Variants in HAUS3 observed in about 807,000 individuals in gnomAD.
The protein encoded by HAUS3 is HAUS augmin like complex subunit 3.
HAUS3 carries 36 observed loss-of-function variants against 55.2 expected under a neutral mutation model. That is an observed-to-expected ratio of 0.65 (90% confidence interval 0.50 to 0.86). The LOEUF is 0.86. Among genes scored for constraint, HAUS3 ranks in the 40% least tolerant of loss-of-function variants. The pLI is 0.00. For synonymous variants in HAUS3, 234 were observed against 238.6 expected (o/e 0.98, Z 0.18); for missense variants, 752 against 671.5 (o/e 1.12, Z -1.33).
intron 3 of HAUS3, among the ~76,000 whole-genome samples, chr4:2,239,413 T>C (rs748505120): frequency 3.9e-5 from 6 of 152,246 alleles, no homozygotes; most frequent in Non-Finnish European, 8.8e-5. Flanking sequence ...CAGTTGATTT[T>C]AGCACTTCTA....
Position 2,238,637 on chromosome 4 carries a change from T to C in HAUS3, c.1316A>G (p.Asn439Ser), listed in dbSNP as rs1734851667. ...PSVSQQINPR[N>S]TIDTKDYSTH... ...AGAATAATCCTTAGTATCAATGGTA[T>C]TCCTTGGATTTATCTGTTGAGAAAC... The change falls in exon 4 of 6, where the codon AAT becomes AGT. Residue 439 changes from asparagine (N) to serine (S), a missense_variant. By Grantham distance (46) the Asn-to-Ser change is conservative. Transcript: ENST00000443786. 6.2e-7 allele frequency: 1 copy of C among 1,607,938 alleles called. No homozygotes were observed. The highest frequency in any genetic ancestry group is 8.5e-7 in the Non-Finnish European group (1 of 1,175,376).
chr4:2,234,190 T>G (rs1734677895), intron 5 of HAUS3: 1 of 152,224 alleles, frequency 6.6e-6, no homozygotes, highest in African/African-American at 2.4e-5. Flanking sequence ...AATGTTTATT[T>G]CATCATGCTA....
chr4:2,238,193 CTA>C (rs1222957650), intron 4 of HAUS3, among the ~76,000 whole-genome samples: 2 of 152,118 alleles, frequency 1.3e-5, no homozygotes, highest in Non-Finnish European at 2.9e-5. Context: ...ATTCTCCTGA[CTA>C]CACACAAAAA....
chr4:2,234,497 A>T lies in HAUS3; in HGVS notation c.1578+1731T>A, dbSNP rs149135709. ...CAAAGGCACGTTTCCTGGGAAAATCAGAACTGGCTCCACCCCACCTTTCCT... is the reference window on the plus strand; with the variant it reads ...CAAAGGCACGTTTCCTGGGAAAATCTGAACTGGCTCCACCCCACCTTTCCT... On this transcript the variant is annotated intron_variant, in intron 5 of 5. Transcript: ENST00000443786. The T allele has an allele frequency of 3.2e-3, 488 of 154,030 alleles. 2 individuals are homozygous for T. Among genetic ancestry groups the T allele is most frequent in the African/African-American group, 0.011 (453 of 41,620 alleles). 9.5% of individuals were successfully genotyped at this position (154,030 alleles called of 1,614,324 possible). A position where few individuals can be genotyped will look rare whatever the true frequency, so the allele number is the denominator to read the frequency against.
Position 2,240,429 on chromosome 4 carries a change from A to G in HAUS3, c.518T>C (p.Val173Ala). The change falls in exon 3 of 6, where the codon GTT becomes GCT. Residue 173 changes from valine to alanine, a missense_variant. By Grantham distance (64) the Val-to-Ala change is moderately conservative (BLOSUM62 0). Transcript: ENST00000443786. Reference sequence around the variant, plus strand: ...TCTGAAGAACATCATCAATTGTGTAACTTCATCAGTAAGAGCCTGAAGTTC... The same window carrying G: ...TCTGAAGAACATCATCAATTGTGTAGCTTCATCAGTAAGAGCCTGAAGTTC... ...SNELQALTDE[V>A]TQLMMFFRHS... 1 of 1,613,832 alleles carries G rather than the reference A, an allele frequency of 6.2e-7. No homozygotes were observed. The highest frequency in any genetic ancestry group is 1.1e-5 in the South Asian group (1 of 91,038).
chr4:2,241,004 G>A lies in HAUS3; in HGVS notation c.-58C>T. 2 of 1,306,368 alleles carry A rather than the reference G, an allele frequency of 1.5e-6. No homozygotes were observed. The highest frequency in any genetic ancestry group is 2.1e-6 in the Non-Finnish European group (2 of 947,856). 80.9% of individuals were successfully genotyped at this position (1,306,368 alleles called of 1,614,324 possible). On this transcript the variant is annotated 5_prime_UTR_variant, in exon 3 of 6. Coordinates refer to ENST00000443786, the MANE Select transcript of HAUS3 (RefSeq NM_001303143.2). ...TATGGGTTTACGGTGTTGATTTTTA[G>A]AAAATAAATCCAAGCAGAAAAAAAG...
intron 5 of HAUS3, 123 bp from the exon 6 acceptor site, chr4:2,232,283 T>C: frequency 2.0e-6 from 1 of 504,428 alleles, no homozygotes; most frequent in Non-Finnish European, 3.5e-6. Flanking sequence ...ATTTTAGCAA[T>C]AAATAAACCT....
Position 2,236,400 on chromosome 4 carries a change from C to T in HAUS3, c.1406G>A (p.Gly469Glu). 1 of 1,613,756 alleles carries T rather than the reference C, an allele frequency of 6.2e-7. No homozygotes were observed. The highest frequency in any genetic ancestry group is 8.5e-7 in the Non-Finnish European group (1 of 1,179,792). The change falls in exon 5 of 6, where the codon GGA becomes GAA. Residue 469 changes from glycine to glutamate, a missense_variant. By Grantham distance (98) the Gly-to-Glu change is moderately conservative. Coordinates refer to ENST00000443786, the MANE Select transcript of HAUS3 (RefSeq NM_001303143.2). ...TTTCTCAGCCACTTCCTCAAGGTTT[C>T]CATGAGTTAGAAACAATTCTTTTTT... ...NKKKELFLTH[G>E]NLEEVAEKLK...
rs1300785650 is a variant in HAUS3, at chr4:2,238,530, T to C, written c.1349+74A>G. 6.2e-6 allele frequency: 6 copies of C among 975,368 alleles called. No homozygotes were observed. The East Asian group carries it at 1.7e-4, about 27-fold the overall frequency. The allele number at this position is 975,368 out of a possible 1,614,324, so 60.4% of individuals were successfully genotyped here. On this transcript the variant is annotated intron_variant, in intron 4 of 5. Coordinates refer to ENST00000443786, the MANE Select transcript of HAUS3 (RefSeq NM_001303143.2). ...GAATTGTTAAAAACTTCCAAAATTT[T>C]AGCTCAAACTCTCTCTAGTATTTCG...
At chr4:2,238,106 C>G (rs1012993253) in intron 4 of HAUS3, among the ~76,000 whole-genome samples, 1 of 152,160 alleles carries the variant, frequency 6.6e-6, no homozygotes, top group South Asian at 2.1e-4. Context: ...CTTTAGCCCT[C>G]CAATTTTCAG....
chr4:2,236,151 G>A (rs1734755727), intron 5 of HAUS3, 77 bp downstream of exon 5: 2 of 809,104 alleles, frequency 2.5e-6, no homozygotes, highest in East Asian at 5.3e-5. Context: ...TTTTCCTCAT[G>A]TTAACATTTT....
Position 2,231,706 on chromosome 4 carries a change from T to C in HAUS3, c.*221A>G, listed in dbSNP as rs1734584810. 1 of 329,702 alleles carries C rather than the reference T, an allele frequency of 3.0e-6. No homozygotes were observed. The highest frequency in any genetic ancestry group is 5.1e-5 in the Admixed American group (1 of 19,720). The allele number at this position is 329,702 out of a possible 1,614,324, so 20.4% of individuals were successfully genotyped here. On this transcript the variant is annotated 3_prime_UTR_variant, in exon 6 of 6. Coordinates refer to ENST00000443786, the MANE Select transcript of HAUS3 (RefSeq NM_001303143.2). ...ATGCTTTTTCCCTGTAAGTAAAAAA[T>C]TACCAGGACTAAGTACCACTAAACA...
In HAUS3 at chr4:2,232,044, T is replaced by G. The variant is rs1317030926; in HGVS notation, c.1695A>C (p.Leu565Phe). 2.6e-6 allele frequency: 4 copies of G among 1,538,870 alleles called. No homozygotes were observed. Among genetic ancestry groups the G allele is most frequent in the Non-Finnish European group, 3.6e-6 (4 of 1,116,520 alleles). ...CATAGAATTCTCTTTCCATTTGATG[T>G]AATTTATTATTTGCCAAAGTTTTTC... Reference protein sequence around the residue: ...TKRKTLANNKLHQMEREFYVY... With the variant: ...TKRKTLANNKFHQMEREFYVY... The change falls in exon 6 of 6, where the codon TTA (leucine) becomes TTC (phenylalanine). Residue 565 changes from leucine to phenylalanine, a missense_variant. Coordinates refer to ENST00000443786, the MANE Select transcript of HAUS3 (RefSeq NM_001303143.2).
In HAUS3 at chr4:2,233,132, T is replaced by C. The variant is rs1318109755; in HGVS notation, c.1579-972A>G. 5.9e-5 allele frequency among the ~76,000 whole-genome samples: 9 copies of C among 152,326 alleles called. No individual in the cohort carries two copies. The East Asian group carries it at 1.3e-3, about 23-fold the overall frequency. On this transcript the variant is annotated intron_variant, in intron 5 of 5. Transcript: ENST00000443786. The stretch of plus-strand genomic sequence containing the variant: ...ACAGAGGAGTACTTCTTAAAATACA[T>C]ACTTTTGAAAATCAAGTAATTTCGA...
rs1245734817 is a variant in HAUS3, at chr4:2,241,659, C to G, written c.-287G>C. 3.0e-6 allele frequency: 3 copies of G among 985,366 alleles called. No homozygotes were observed. The African/African-American group carries it at 5.2e-5, about 17-fold the overall frequency. The allele number at this position is 985,366 out of a possible 1,614,324, so 61.0% of individuals were successfully genotyped here. A position where few individuals can be genotyped will look rare whatever the true frequency, so the allele number is the denominator to read the frequency against. On this transcript the variant is annotated 5_prime_UTR_variant, in exon 2 of 6. Coordinates refer to ENST00000443786, the MANE Select transcript of HAUS3 (RefSeq NM_001303143.2). ...TCAGCCAGCGCTGAGGCAGCCCCGA[C>G]GCCAGGGCCGCGCGAACCCCAGAGG...
chr4:2,236,841 C>T (rs1326308771), intron 4 of HAUS3, among the ~76,000 whole-genome samples: 1 of 150,922 alleles, frequency 6.6e-6, no homozygotes, highest in Admixed American at 6.6e-5. Flanking sequence ...CCAGCCTGGG[C>T]GACAGAGTGA....
Position 2,231,746 on chromosome 4 carries a change from A to G in HAUS3, c.*181T>C. The G allele has an allele frequency of 2.2e-6, 1 of 457,720 alleles. No homozygotes were observed. The highest frequency in any genetic ancestry group is 3.9e-6 in the Non-Finnish European group (1 of 256,450). The allele number at this position is 457,720 out of a possible 1,614,324, so 28.4% of individuals were successfully genotyped here. On this transcript the variant is annotated 3_prime_UTR_variant, in exon 6 of 6. Transcript: ENST00000443786. ...ACCACTAAACACATGCTCAAGTCAT[A>G]AAAAGCACTGGTATTCTGAATGTAC...
rs1009018382 is a variant in HAUS3 at position 2,242,036 on chromosome 4, G to A, written c.-419+15C>T. ...CCACACCCCTGCGCCCAGAACCGAGGCCCGCGTCAGTCACCTCAGGAAGTT... is the reference window on the plus strand; with the variant it reads ...CCACACCCCTGCGCCCAGAACCGAGACCCGCGTCAGTCACCTCAGGAAGTT... On this transcript the variant is annotated intron_variant, in intron 1 of 5. Transcript: ENST00000443786. 2 of 985,492 alleles carry A rather than the reference G, an allele frequency of 2.0e-6. No homozygotes were observed. Among genetic ancestry groups the A allele is most frequent in the African/African-American group, 1.7e-5 (1 of 57,258 alleles). The allele number at this position is 985,492 out of a possible 1,614,324, so 61.0% of individuals were successfully genotyped here. A position where few individuals can be genotyped will look rare whatever the true frequency, so the allele number is the denominator to read the frequency against.
rs554140604 is a variant in HAUS3, at chr4:2,229,362, T to C, written c.*2565A>G. 62 of 854,534 alleles carry C rather than the reference T, an allele frequency of 7.3e-5. No homozygotes were observed. The African/African-American group carries it at 9.9e-4, about 14-fold the overall frequency. The allele number at this position is 854,534 out of a possible 1,614,324, so 52.9% of individuals were successfully genotyped here. A position where few individuals can be genotyped will look rare whatever the true frequency, so the allele number is the denominator to read the frequency against. On this transcript the variant is annotated 3_prime_UTR_variant, in exon 6 of 6. Coordinates refer to ENST00000443786, the MANE Select transcript of HAUS3 (RefSeq NM_001303143.2). ...CTTTCATTTAAAATGTCTATATTCA[T>C]AACCACAGAAAATAGGCATCAATCA...
Sources: gnomAD v4.1 joint callset for allele counts (sites outside exome capture counted in the v4.1 genomes callset) on GRCh38, gnomAD v4.1.1 for gene constraint, MANE v1.5 for transcripts, NCBI Gene and HGNC (gene_info 2026-07-23, HGNC 2026-07-21) for gene names.